Variants in CARMIL1 observed in about 807,000 individuals in gnomAD.
CARMIL1 encodes F-actin-uncapping protein LRRC16A.
Under a neutral mutation model 177.1 loss-of-function variants are expected in CARMIL1, and 90 were observed. The observed-to-expected ratio is 0.51, with a 90% CI of 0.43 to 0.61. CARMIL1 has a LOEUF of 0.61. CARMIL1 is among the 20% of genes least tolerant of loss of function. The probability of loss-of-function intolerance (pLI) is 0.00; values close to 1 mark genes in which losing one functional copy is unlikely to be tolerated. For missense variants in CARMIL1, 1,380 were observed against 1,667.0 expected (o/e 0.83, Z 3.00); for synonymous variants, 577 against 606.2 (o/e 0.95, Z 0.71).
intron 4 of CARMIL1, among the ~76,000 whole-genome samples, chr6:25,427,422 G>C (rs929535074): frequency 2.0e-5 from 3 of 152,096 alleles, no homozygotes; most frequent in African/African-American, 7.2e-5. Flanking sequence ...GTGTTTAATT[G>C]TGTGGCTATA....
intron 2 of CARMIL1, among the ~76,000 whole-genome samples, chr6:25,293,379 GAGA>G (rs1782139592): frequency 6.6e-6 from 1 of 150,578 alleles, no homozygotes; most frequent in Non-Finnish European, 1.5e-5. Context: ...TGTTTCTTAG[GAGA>G]AGGTTTTTCT....
intron 32 of CARMIL1, among the ~76,000 whole-genome samples, chr6:25,597,512 T>C (rs1814968342): frequency 6.6e-6 from 1 of 152,236 alleles, no homozygotes; most frequent in African/African-American, 2.4e-5. Context: ...CTGCATTCCT[T>C]TCACTGACTT....
chr6:25,311,217 G>A (rs1279632728), intron 2 of CARMIL1, among the ~76,000 whole-genome samples: 2 of 152,050 alleles, frequency 1.3e-5, no homozygotes, highest in South Asian at 4.2e-4. Flanking sequence ...ACCATGACGG[G>A]TTGAACGCAT....
At chr6:25,286,405 C>A (rs1781527322) in intron 2 of CARMIL1, among the ~76,000 whole-genome samples, 1 of 152,164 alleles carries the variant, frequency 6.6e-6, no homozygotes, top group African/African-American at 2.4e-5. Context: ...ACTTGAATGG[C>A]TTTTGCCCAG....
Position 25,279,750 on chromosome 6 carries a change from A to G in CARMIL1, c.-46A>G. On this transcript the variant is annotated 5_prime_UTR_variant, in exon 1 of 37. The change creates a new upstream start codon in the 5' untranslated region. Transcript: ENST00000329474. Reference sequence around the variant, plus strand: ...AGTTCGGGGAAGGGCAGGGGGCCATAAATCAGAGTTGGACCTGCAATAACC... The same window carrying G: ...AGTTCGGGGAAGGGCAGGGGGCCATGAATCAGAGTTGGACCTGCAATAACC... 1 of 1,598,952 alleles carries G rather than the reference A, an allele frequency of 6.3e-7. No homozygotes were observed. The highest frequency in any genetic ancestry group is 8.6e-7 in the Non-Finnish European group (1 of 1,166,380).
rs1333156191 is a variant in CARMIL1, at chr6:25,426,559, A to G, written c.248A>G (p.Gln83Arg). 1.9e-6 allele frequency: 3 copies of G among 1,611,558 alleles called. No homozygotes were observed. The highest frequency in any genetic ancestry group is 1.3e-5 in the African/African-American group (1 of 74,810). ...IHGVVCSKSA[Q>R]MIVETEKCSI... Reference sequence around the variant, plus strand: ...GGCGTCGTTTGCAGCAAGTCAGCTCAGGTGAGTGTGAAAAATGGATCACTG... The same window carrying G: ...GGCGTCGTTTGCAGCAAGTCAGCTCGGGTGAGTGTGAAAAATGGATCACTG... The change falls in exon 4 of 37, where the codon CAG (glutamine) becomes CGG (arginine). Residue 83 changes from glutamine (Q) to arginine (R), a missense_variant and splice_region_variant. Physicochemically the swap from Gln to Arg is conservative, Grantham distance 43. Transcript: ENST00000329474.
At chr6:25,502,329 C>T (rs775381245) in intron 17 of CARMIL1, among the ~76,000 whole-genome samples, 5 of 151,262 alleles carry the variant, frequency 3.3e-5, no homozygotes, top group Admixed American at 6.6e-5. Flanking sequence ...GAGGCCTAGG[C>T]GGGTGGATTA....
rs375995294 is a variant in CARMIL1 at position 25,594,378 on chromosome 6, T to C, written c.3007-37T>C. On this transcript the variant is annotated intron_variant, in intron 31 of 36. Transcript: ENST00000329474. ...GTAATAAATGTTTGCTAAATCAAGG[T>C]GCATGTGAATTAACATTACATCTGT... 37 of 1,275,686 alleles carry C rather than the reference T, an allele frequency of 2.9e-5. No homozygotes were observed. The South Asian group carries it at 4.3e-4, about 15-fold the overall frequency. The allele number at this position is 1,275,686 out of a possible 1,614,324, so 79.0% of individuals were successfully genotyped here.
rs987628863 is a variant in CARMIL1, at chr6:25,343,932, A to G, written c.138+59023A>G. The stretch of plus-strand genomic sequence containing the variant: ...CTGCTCCTCCTTCTCCTGAAACGCC[A>G]CCTCCTCTGACTTTCAGGTCTCTGC... On this transcript the variant is annotated intron_variant, in intron 2 of 36. Coordinates refer to ENST00000329474, the MANE Select transcript of CARMIL1 (RefSeq NM_017640.6). Among the ~76,000 whole-genome samples, 7 of 151,150 alleles carry G rather than the reference A, an allele frequency of 4.6e-5. No homozygotes were observed. In the East Asian group the frequency reaches 9.7e-4, roughly 21 times the overall value.
At chr6:25,538,077 C>A in intron 25 of CARMIL1, 94 bp downstream of exon 25, 1 of 1,371,316 alleles carries the variant, frequency 7.3e-7, no homozygotes, top group Non-Finnish European at 9.7e-7. Flanking sequence ...TCTCTCTCTA[C>A]CCAATTCCAA....
intron 31 of CARMIL1, among the ~76,000 whole-genome samples, chr6:25,589,478 C>T (rs1582457531): frequency 1.3e-5 from 2 of 152,086 alleles, no homozygotes; most frequent in African/African-American, 4.8e-5. Context: ...TCTGCCATAT[C>T]GCTTCTCTCC....
chr6:25,586,900 A>T (rs919622965), intron 31 of CARMIL1, among the ~76,000 whole-genome samples: 1 of 151,712 alleles, frequency 6.6e-6, no homozygotes, highest in African/African-American at 2.4e-5. Flanking sequence ...CCGAGATGGC[A>T]GCAGTACAGT....
At chr6:25,376,461 A>G (rs964090528) in intron 2 of CARMIL1, among the ~76,000 whole-genome samples, 2 of 152,136 alleles carry the variant, frequency 1.3e-5, no homozygotes, top group African/African-American at 2.4e-5. Flanking sequence ...TTGACTTAAA[A>G]ATTTTTTTTC....
At chr6:25,329,646 C>A (rs1170963400) in intron 2 of CARMIL1, among the ~76,000 whole-genome samples, 2 of 152,150 alleles carry the variant, frequency 1.3e-5, no homozygotes, top group African/African-American at 4.8e-5. Flanking sequence ...TTGAATGCAT[C>A]AGGGATCTTT....
chr6:25,450,418 G>A lies in CARMIL1; in HGVS notation c.540+9G>A. On this transcript the variant is annotated intron_variant, in intron 7 of 36. Transcript: ENST00000329474. The stretch of plus-strand genomic sequence containing the variant: ...GGGAAGAAGTACAATGGGTAAGAAT[G>A]TCTGTGTACATGTGCATGAGCACAC... The A allele has an allele frequency of 5.0e-6, 8 of 1,607,006 alleles. No individual in the cohort carries two copies. The highest frequency in any genetic ancestry group is 6.8e-6 in the Non-Finnish European group (8 of 1,173,766).
At chr6:25,614,754 C>T (rs1164958115) in intron 36 of CARMIL1, among the ~76,000 whole-genome samples, 1 of 152,216 alleles carries the variant, frequency 6.6e-6, no homozygotes, top group African/African-American at 2.4e-5. Context: ...AAGAGACGCT[C>T]CCTGCTACCT....
chr6:25,347,174 A>G (rs1179303546), intron 2 of CARMIL1, among the ~76,000 whole-genome samples: 1 of 152,234 alleles, frequency 6.6e-6, no homozygotes, highest in African/African-American at 2.4e-5. Context: ...GCAGCATTCC[A>G]TGCCAAAGCT....
At chr6:25,605,035 G>T (rs1175476839) in intron 34 of CARMIL1, 142 bp downstream of exon 34, 3 of 667,336 alleles carry the variant, frequency 4.5e-6, no homozygotes, top group Non-Finnish European at 7.6e-6. Context: ...TCATCTGAAA[G>T]ACCATATCCC....
At chr6:25,358,876 A>G (rs1433106283) in intron 2 of CARMIL1, among the ~76,000 whole-genome samples, 1 of 152,234 alleles carries the variant, frequency 6.6e-6, no homozygotes, top group African/African-American at 2.4e-5. Context: ...AAAGATGGGA[A>G]TAGCTATCAT....
Sources: allele counts gnomAD v4.1 joint callset (sites outside exome capture counted in the v4.1 genomes callset), GRCh38; gene constraint gnomAD v4.1.1; transcripts MANE v1.5; gene names NCBI Gene and HGNC (gene_info 2026-07-23, HGNC 2026-07-21).